MEGF6: variants seen among roughly 807,000 people sequenced by gnomAD.
MEGF6 encodes the protein multiple epidermal growth factor-like domains protein 6.
In MEGF6, 184 loss-of-function variants were observed where a neutral mutation model predicts 207.1. That is an observed-to-expected ratio of 0.89 (90% CI 0.79 to 1.00). MEGF6 has a LOEUF of 1.00. Ranked by LOEUF, MEGF6 falls within the 50% of genes least tolerant of loss-of-function variation. MEGF6 has a pLI of 0.00. For missense variants in MEGF6, 2,282 were observed against 2,202.9 expected, an observed-to-expected ratio of 1.04 and a Z score of -0.72; for synonymous variants, 1,038 against 910.0, an observed-to-expected ratio of 1.14 and a Z score of -2.53.
At chr1:3,495,822 C>T (rs1640574283) in intron 30 of MEGF6, 68 bp downstream of exon 30, 1 of 1,549,532 alleles carries the variant, frequency 6.5e-7, no homozygotes, top group Admixed American at 1.8e-5. Flanking sequence ...CCTCCAGTGT[C>T]CCCACGGCTA....
At chr1:3,614,209 T>C (rs910693195), upstream of MEGF6, among the ~76,000 whole-genome samples, 1 of 152,344 alleles carries the variant, frequency 6.6e-6, no homozygotes, top group Admixed American at 6.5e-5. Context: ...CCCCTGGGGC[T>C]GTCCGTGCCC....
chr1:3,560,286 G>A lies in MEGF6; in HGVS notation c.481+19539C>T, dbSNP rs923839900. 5.9e-5 allele frequency among the ~76,000 whole-genome samples: 9 copies of A among 152,254 alleles called. No homozygotes were observed. The highest frequency in any genetic ancestry group is 3.9e-4 in the East Asian group (2 of 5,180). On this transcript the variant is annotated intron_variant, in intron 4 of 36. Coordinates refer to ENST00000356575, the MANE Select transcript of MEGF6 (RefSeq NM_001409.4). The surrounding 1 kb of genome is among the most constrained non-coding windows in gnomAD (Gnocchi z 4.0). The stretch of plus-strand genomic sequence containing the variant: ...CATTGGAATGACCGCTTGGTACAGC[G>A]GACGAGCCCACGTTGACACATTGTT...
intron 1 of MEGF6, among the ~76,000 whole-genome samples, chr1:3,608,445 C>G (rs186057582): frequency 2.0e-4 from 30 of 152,172 alleles, no homozygotes; most frequent in Admixed American, 1.8e-3. Flanking sequence ...CTCAGGCTCA[C>G]GAATGGGGCC....
rs200821968 is a variant in MEGF6 at position 3,505,434 on chromosome 1, G to A, written c.2041C>T (p.Arg681Cys). 41 of 1,600,558 alleles carry A rather than the reference G, an allele frequency of 2.6e-5. 1 individual carries two copies. Among genetic ancestry groups the A allele is most frequent in the African/African-American group, 9.6e-5 (7 of 73,202 alleles). The change falls in exon 16 of 37, where the codon CGC (arginine) becomes TGC (cysteine). Residue 681 changes from arginine to cysteine, a missense_variant. Transcript: ENST00000356575. ...CSCKAGFRGE[R>C]CQAECELGYF... ...TGCCTGGACTCACCTGCCTGACAGC[G>A]CTCGCCCCGGAAGCCAGCCTTGCAG...
rs902844827 is a variant in MEGF6 at position 3,548,835 on chromosome 1, C to T, written c.482-24589G>A. 5.3e-5 allele frequency among the ~76,000 whole-genome samples: 8 copies of T among 152,280 alleles called. No homozygotes were observed. In the South Asian group the frequency reaches 6.2e-4, roughly 12 times the overall value. On this transcript the variant is annotated intron_variant, in intron 4 of 36. Coordinates refer to ENST00000356575, the MANE Select transcript of MEGF6 (RefSeq NM_001409.4). The stretch of plus-strand genomic sequence containing the variant: ...CCCACCCCGACCCTGCTAGGCTCCA[C>T]GGGGAAAGGAGCCCACTGCAGCTGG...
At chr1:3,564,343 A>G (rs1190526616) in intron 4 of MEGF6, among the ~76,000 whole-genome samples, 2 of 151,434 alleles carry the variant, frequency 1.3e-5, no homozygotes, top group Admixed American at 6.6e-5. Flanking sequence ...GCCTGGACAA[A>G]CAGCTACTGG....
At chr1:3,581,417 A>T (rs1456784214) in intron 3 of MEGF6, among the ~76,000 whole-genome samples, 2 of 152,096 alleles carry the variant, frequency 1.3e-5, no homozygotes, top group Non-Finnish European at 2.9e-5. Context: ...TCCGAACGCG[A>T]TAGGGTGGGG....
At chr1:3,523,262 C>T (rs1434676719) in intron 5 of MEGF6, among the ~76,000 whole-genome samples, 1 of 152,212 alleles carries the variant, frequency 6.6e-6, no homozygotes, top group Non-Finnish European at 1.5e-5. Context: ...GAGGGTCAGT[C>T]CCGTCCTTGC....
At chr1:3,506,369 G>C in intron 14 of MEGF6, 133 bp from the exon 15 acceptor site, 1 of 1,162,552 alleles carries the variant, frequency 8.6e-7, no homozygotes, top group Non-Finnish European at 1.2e-6. Flanking sequence ...AGGGCACTAG[G>C]TGAGCCTTCC....
At chr1:3,529,632 G>A (rs1184748214) in intron 4 of MEGF6, among the ~76,000 whole-genome samples, 1 of 152,234 alleles carries the variant, frequency 6.6e-6, no homozygotes, top group Non-Finnish European at 1.5e-5. Context: ...GCCAACACGG[G>A]CTGGTTCACC....
At chr1:3,581,500 C>G (rs1643797360) in intron 3 of MEGF6, among the ~76,000 whole-genome samples, 5 of 152,192 alleles carry the variant, frequency 3.3e-5, no homozygotes, top group Admixed American at 3.3e-4. Flanking sequence ...TCCCCAGGGA[C>G]CGGGGACCAA....
At position 3,500,116 on chromosome 1, in the gene MEGF6, G is replaced by A. The variant is rs149013695; in HGVS notation, c.2708-192C>T. 9.3e-3 allele frequency among the ~76,000 whole-genome samples: 1,423 copies of A among 152,312 alleles called. 49 individuals are homozygous for A. In the East Asian group the frequency reaches 0.099, roughly 11 times the overall value. On this transcript the variant is annotated intron_variant, in intron 21 of 36. Coordinates refer to ENST00000356575, the MANE Select transcript of MEGF6 (RefSeq NM_001409.4). ...CAGGTGGGGCCATGGGAGGCTTGAG[G>A]GGGCTCCAGGCATCAGCTTTAGGGA... is the stretch of plus-strand genomic sequence containing the variant.
rs576719540 is a variant in MEGF6, at chr1:3,567,624, C to T, written c.481+12201G>A. Among the ~76,000 whole-genome samples, 42 of 152,354 alleles carry T rather than the reference C, an allele frequency of 2.8e-4. No individual in the cohort carries two copies. The Middle Eastern group carries it at 0.014, about 49-fold the overall frequency. On this transcript the variant is annotated intron_variant, in intron 4 of 36. Transcript: ENST00000356575. ...AGGTCCCGTTTGCCGGGGACACGGCCAGCCTGGCCTAGCTCCTTGGCCATC... is the reference window on the plus strand; with the variant it reads ...AGGTCCCGTTTGCCGGGGACACGGCTAGCCTGGCCTAGCTCCTTGGCCATC...
At chr1:3,596,002 T>C (rs1404907399) in intron 2 of MEGF6, among the ~76,000 whole-genome samples, 2 of 151,908 alleles carry the variant, frequency 1.3e-5, no homozygotes, top group Non-Finnish European at 2.9e-5. Context: ...CACACACAGG[T>C]GCAATGGCCA....
chr1:3,509,889 C>A lies in MEGF6; in HGVS notation c.1338G>T (p.Glu446Asp). The A allele has an allele frequency of 6.4e-7, 1 of 1,559,634 alleles. No individual in the cohort carries two copies. The highest frequency in any genetic ancestry group is 8.7e-7 in the Non-Finnish European group (1 of 1,154,680). The part of the protein sequence containing the change: ...CSCEAGYRLH[E>D]DRRGCSPLEE... Reference sequence around the variant, plus strand: ...ACTCACGGCTGCAGCCCCTACGGTCCTCGTGCAGCCGGTAGCCGGCCTCGC... The same window carrying A: ...ACTCACGGCTGCAGCCCCTACGGTCATCGTGCAGCCGGTAGCCGGCCTCGC... The change falls in exon 11 of 37, where the codon GAG (glutamate) becomes GAT (aspartate). Residue 446 changes from glutamate (E) to aspartate (D), a missense_variant. By Grantham distance (45) the Glu-to-Asp change is conservative. Transcript: ENST00000356575.
At chr1:3,599,126 GCCA>G in intron 2 of MEGF6, among the ~76,000 whole-genome samples, 1 of 152,304 alleles carries the variant, frequency 6.6e-6, no homozygotes, top group South Asian at 2.1e-4. Context: ...TCTGACCGCA[GCCA>G]CCACAACACC....
At chr1:3,606,257 C>A (rs1012725398) in intron 1 of MEGF6, among the ~76,000 whole-genome samples, 2 of 152,308 alleles carry the variant, frequency 1.3e-5, no homozygotes, top group Non-Finnish European at 1.5e-5. Context: ...CACTCCTGGG[C>A]CCCACCCTGG....
intron 4 of MEGF6, among the ~76,000 whole-genome samples, chr1:3,541,203 G>A (rs918895516): frequency 3.3e-5 from 5 of 152,248 alleles, no homozygotes; most frequent in Non-Finnish European, 5.9e-5. Flanking sequence ...GCACTGCCCC[G>A]TGGGGGGCCT....
intron 3 of MEGF6, among the ~76,000 whole-genome samples, chr1:3,586,005 A>C (rs375994045): frequency 0.027 from 3,692 of 134,620 alleles, 44 homozygotes; most frequent in Non-Finnish European, 0.041. Context: ...GGGTGTGTGG[A>C]CACATGTCCT....
Sources: gnomAD v4.1 joint callset for allele counts (sites outside exome capture counted in the v4.1 genomes callset) on GRCh38, gnomAD v4.1.1 for gene constraint, Gnocchi (gnomAD v3.1) non-coding constraint, MANE v1.5 for transcripts, NCBI Gene and HGNC (gene_info 2026-07-23, HGNC 2026-07-21) for gene names.